The following ASTN2 variants were observed in gnomAD, a reference collection of about 807,000 sequenced individuals.
The protein encoded by ASTN2 is astrotactin-2.
In ASTN2, 54 loss-of-function variants were observed where a neutral mutation model predicts 139.8. The ratio of observed to expected loss-of-function variants is 0.39; its 90% CI spans 0.31 to 0.48. The LOEUF is 0.48. Among genes scored for constraint, ASTN2 ranks in the 20% least tolerant of loss-of-function variants. The pLI, the probability that ASTN2 is intolerant of heterozygous loss-of-function variation, is 0.95. For synonymous variants in ASTN2, 756 were observed against 719.5 expected (o/e 1.05, Z -0.81); for missense variants, 1,565 against 1,725.1 (o/e 0.91, Z 1.64).
At chr9:116,615,662 G>A (rs1318746962) in intron 19 of ASTN2, among the ~76,000 whole-genome samples, 1 of 150,488 alleles carries the variant, frequency 6.6e-6, no homozygotes. Context: ...ACTCATAGGT[G>A]GGAATTGAAC....
intron 2 of ASTN2, among the ~76,000 whole-genome samples, chr9:117,218,045 C>T (rs536620869): frequency 6.6e-6 from 1 of 152,228 alleles, no homozygotes; most frequent in African/African-American, 2.4e-5. Context: ...GACTTTAAAA[C>T]CATGCTCGGA....
intron 6 of ASTN2, among the ~76,000 whole-genome samples, chr9:117,018,113 C>T (rs759187473): frequency 1.3e-4 from 20 of 151,980 alleles, no homozygotes; most frequent in East Asian, 3.9e-4. Context: ...AGACATGTTG[C>T]GAGAGTGAGG....
intron 11 of ASTN2, among the ~76,000 whole-genome samples, chr9:116,847,014 AAAAAAAAAAAAAC>A (rs1471109802): frequency 2.8e-5 from 4 of 142,006 alleles, no homozygotes; most frequent in Non-Finnish European, 4.6e-5. Context: ...TCTCAAAAAA[AAAAAAAAAAAAAC>A]AAAAAACAAA....
chr9:116,709,022 A>G (rs1828070797), intron 16 of ASTN2, among the ~76,000 whole-genome samples: 1 of 152,208 alleles, frequency 6.6e-6, no homozygotes. Flanking sequence ...CCCATGCTAT[A>G]TGCCATTAGA....
At chr9:117,359,207 A>G (rs1829629257) in intron 1 of ASTN2, among the ~76,000 whole-genome samples, 1 of 152,158 alleles carries the variant, frequency 6.6e-6, no homozygotes, top group Non-Finnish European at 1.5e-5. Context: ...AGCTGCTTCA[A>G]ACTGAGAACC....
chr9:116,948,799 T>TTTTTTTTTTTTTTTTTTG (rs1339498245), intron 10 of ASTN2, among the ~76,000 whole-genome samples: 2 of 127,072 alleles, frequency 1.6e-5, no homozygotes, highest in Non-Finnish European at 3.3e-5. Context: ...TTTTTTTTTT[T>TTTTTTTTTTTTTTTTTTG]TTTTTTTTTT....
rs565978012 is a variant in ASTN2, at chr9:117,158,409, T to G, written c.1016-16931A>C. Among the ~76,000 whole-genome samples the G allele has an allele frequency of 2.6e-5, 4 of 152,188 alleles. No individual in the cohort carries two copies. In the East Asian group the frequency reaches 7.8e-4, roughly 30 times the overall value. Reference sequence around the variant, plus strand: ...TAATTTTCCCATTTGGAATGCTATATAAGTATGATTTGAGAGTTAACTATA... The same window carrying G: ...TAATTTTCCCATTTGGAATGCTATAGAAGTATGATTTGAGAGTTAACTATA... On this transcript the variant is annotated intron_variant, in intron 3 of 22. Coordinates refer to ENST00000313400, the MANE Select transcript of ASTN2 (RefSeq NM_001365068.1).
chr9:117,204,763 C>A (rs1357022332), intron 3 of ASTN2, among the ~76,000 whole-genome samples: 2 of 152,088 alleles, frequency 1.3e-5, no homozygotes, highest in Non-Finnish European at 2.9e-5. Flanking sequence ...AAAAACCAAA[C>A]AAACAACAAC....
chr9:116,463,152 T>C (rs555016235), intron 20 of ASTN2, among the ~76,000 whole-genome samples: 49 of 152,112 alleles, frequency 3.2e-4, no homozygotes, highest in Non-Finnish European at 6.6e-4. Flanking sequence ...TTTTTCTCCA[T>C]TGCAACTGCT....
At chr9:117,396,206 G>A (rs1830672010) in intron 1 of ASTN2, among the ~76,000 whole-genome samples, 1 of 152,142 alleles carries the variant, frequency 6.6e-6, no homozygotes, top group South Asian at 2.1e-4. Context: ...TAAAGCCTCA[G>A]CCACTAAAAC....
chr9:116,871,623 G>A lies in ASTN2; in HGVS notation c.1890-7890C>T, dbSNP rs530578171. Among the ~76,000 whole-genome samples the A allele has an allele frequency of 7.9e-5, 12 of 152,272 alleles. No homozygotes were observed. In the South Asian group the frequency reaches 2.5e-3, roughly 32 times the overall value. ...CATAGTGTTTTCAAGGTTCATCCAT[G>A]TTTCAGCATGTATCACTACTTCATT... On this transcript the variant is annotated intron_variant, in intron 10 of 22. Coordinates refer to ENST00000313400, the MANE Select transcript of ASTN2 (RefSeq NM_001365068.1).
At chr9:116,789,109 G>A (rs1050107725) in intron 13 of ASTN2, among the ~76,000 whole-genome samples, 8 of 152,090 alleles carry the variant, frequency 5.3e-5, no homozygotes, top group Non-Finnish European at 1.2e-4. Flanking sequence ...GGAATTAATC[G>A]AAACTTACAG....
chr9:117,056,606 G>A (rs1019673429), intron 5 of ASTN2, among the ~76,000 whole-genome samples: 6 of 152,176 alleles, frequency 3.9e-5, no homozygotes, highest in African/African-American at 1.2e-4. Context: ...AGCCACTGAA[G>A]TTTGCTTAAT....
At chr9:117,205,284 C>G (rs1250477249) in intron 3 of ASTN2, among the ~76,000 whole-genome samples, 1 of 151,720 alleles carries the variant, frequency 6.6e-6, no homozygotes, top group African/African-American at 2.4e-5. Context: ...TCTCAGAAGT[C>G]CAGCTAAAAC....
At chr9:117,041,370 G>C (rs887507281) in intron 5 of ASTN2, among the ~76,000 whole-genome samples, 1 of 151,918 alleles carries the variant, frequency 6.6e-6, no homozygotes, top group Non-Finnish European at 1.5e-5. Flanking sequence ...TTCAAAACAG[G>C]GTACATTATC....
intron 10 of ASTN2, among the ~76,000 whole-genome samples, chr9:116,867,748 G>A (rs996462265): frequency 6.6e-6 from 1 of 152,038 alleles, no homozygotes; most frequent in Non-Finnish European, 1.5e-5. Flanking sequence ...ATAAACATCA[G>A]TTACATGAGG....
intron 13 of ASTN2, among the ~76,000 whole-genome samples, chr9:116,748,403 GC>G (rs1313099074): frequency 2.0e-5 from 3 of 152,192 alleles, no homozygotes; most frequent in African/African-American, 7.2e-5. Flanking sequence ...GATGCAGACT[GC>G]CTCCCTCAAT....
At position 116,698,455 on chromosome 9, in the gene ASTN2, G is replaced by A. The variant is rs564290779; in HGVS notation, c.2806+27316C>T. On this transcript the variant is annotated intron_variant, in intron 16 of 22. Transcript: ENST00000313400. The surrounding 1 kb of genome is among the most constrained non-coding windows in gnomAD (Gnocchi z 4.4). ...ATTGCAGAGGTGCAGGCTGTGTCTCGCTGTGACTACTTCCTGGCCAAGATC... is the reference window on the plus strand; with the variant it reads ...ATTGCAGAGGTGCAGGCTGTGTCTCACTGTGACTACTTCCTGGCCAAGATC... 7 of 1,613,994 alleles carry A rather than the reference G, an allele frequency of 4.3e-6. No homozygotes were observed. The highest frequency in any genetic ancestry group is 3.3e-5 in the South Asian group (3 of 91,072).
At chr9:116,970,872 A>C (rs984940035) in intron 10 of ASTN2, among the ~76,000 whole-genome samples, 2 of 152,230 alleles carry the variant, frequency 1.3e-5, no homozygotes, top group African/African-American at 4.8e-5. Context: ...GGTGATTATT[A>C]TTCCAACTAT....
Sources: gnomAD v4.1 joint callset for allele counts (sites outside exome capture counted in the v4.1 genomes callset) on GRCh38, gnomAD v4.1.1 for gene constraint, Gnocchi (gnomAD v3.1) non-coding constraint, MANE v1.5 for transcripts, NCBI Gene and HGNC (gene_info 2026-07-23, HGNC 2026-07-21) for gene names.